TMEM132B: variants seen among roughly 807,000 people sequenced by gnomAD.
TMEM132B encodes transmembrane protein 132B.
Under a neutral mutation model 90.8 loss-of-function variants are expected in TMEM132B, and 18 were observed. The observed-to-expected ratio is 0.20, with a 90% CI of 0.14 to 0.29. The LOEUF is 0.29. Among genes scored for constraint, TMEM132B ranks in the 10% least tolerant of loss-of-function variants. The pLI, the probability that TMEM132B is intolerant of heterozygous loss-of-function variation, is 1.00. For synonymous variants in TMEM132B, 504 were observed against 523.3 expected, an observed-to-expected ratio of 0.96 and a Z score of 0.50; for missense variants, 1,096 against 1,326.8, an observed-to-expected ratio of 0.83 and a Z score of 2.70.
intron 3 of TMEM132B, among the ~76,000 whole-genome samples, chr12:125,495,056 A>T (rs1220733652): frequency 2.5e-4 from 8 of 31,912 alleles, no homozygotes; most frequent in South Asian, 1.4e-3. Context: ...CTCCTCCCTG[A>T]AAATGGCCGC....
At chr12:125,499,456 G>C (rs1057039533) in intron 3 of TMEM132B, among the ~76,000 whole-genome samples, 1 of 152,194 alleles carries the variant, frequency 6.6e-6, no homozygotes, top group Admixed American at 6.5e-5. Flanking sequence ...CCAACAGCGC[G>C]TGATGTGCTT....
intron 3 of TMEM132B, among the ~76,000 whole-genome samples, chr12:125,421,672 T>C (rs1331790416): frequency 6.6e-6 from 1 of 152,210 alleles, no homozygotes; most frequent in African/African-American, 2.4e-5. Context: ...CCTACTGTAG[T>C]CTAGAAAAAT....
rs557675106 is a variant in TMEM132B, at chr12:125,365,184, T to C, written c.959+14841T>C. Among the ~76,000 whole-genome samples the C allele has an allele frequency of 5.9e-5, 9 of 152,074 alleles. No individual in the cohort carries two copies. The East Asian group carries it at 1.7e-3, about 29-fold the overall frequency. On this transcript the variant is annotated intron_variant, in intron 2 of 8. Coordinates refer to ENST00000682704, the MANE Select transcript of TMEM132B (RefSeq NM_001366854.1). Reference sequence around the variant, plus strand: ...CTTTTAAGAATTCTAGTTTAACTTTTATATAGGCTTTTTAGCTGCACTTTC... The same window carrying C: ...CTTTTAAGAATTCTAGTTTAACTTTCATATAGGCTTTTTAGCTGCACTTTC...
intron 3 of TMEM132B, among the ~76,000 whole-genome samples, chr12:125,502,868 T>C (rs1882736904): frequency 6.6e-6 from 1 of 152,218 alleles, no homozygotes; most frequent in Admixed American, 6.5e-5. Context: ...GAAACTCTGG[T>C]AGAATTAGGG....
chr12:125,286,742 C>T (rs2002460), intron 1 of TMEM132B, among the ~76,000 whole-genome samples: 36,613 of 151,612 alleles, frequency 0.24, 4,718 homozygotes, highest in Non-Finnish European at 0.27. Context: ...CTCACTCTGT[C>T]GCCCAGGCTG....
chr12:125,245,260 GC>G (rs549164086), intron 1 of TMEM132B, among the ~76,000 whole-genome samples: 1 of 148,444 alleles, frequency 6.7e-6, no homozygotes, highest in African/African-American at 2.5e-5. Context: ...GTTCCCAGAT[GC>G]CCCCCCAGGC....
At chr12:125,472,784 A>G (rs1881756426) in intron 3 of TMEM132B, among the ~76,000 whole-genome samples, 1 of 152,166 alleles carries the variant, frequency 6.6e-6, no homozygotes, top group African/African-American at 2.4e-5. Context: ...GGAGACACCA[A>G]GTCTACTGGT....
rs563495053 is a variant in TMEM132B, at chr12:125,287,917, G to T, written c.68-61535G>T. The stretch of plus-strand genomic sequence containing the variant: ...GTGTCTCACTCTGTCGCCCAGGCTG[G>T]AGTGCAATGGCGCGATCTCGGCTCA... On this transcript the variant is annotated intron_variant, in intron 1 of 8. Transcript: ENST00000682704. Among the ~76,000 whole-genome samples the T allele has an allele frequency of 2.2e-3, 332 of 152,190 alleles. 2 individuals carry two copies. In the Middle Eastern group the frequency reaches 0.037, roughly 17 times the overall value.
At chr12:125,636,143 A>G (rs1886473326) in intron 5 of TMEM132B, among the ~76,000 whole-genome samples, 1 of 152,096 alleles carries the variant, frequency 6.6e-6, no homozygotes, top group African/African-American at 2.4e-5. Flanking sequence ...GTTCCCATGA[A>G]GGTGCTTTTT....
At chr12:125,212,059 G>A (rs1275945684) in intron 1 of TMEM132B, among the ~76,000 whole-genome samples, 1 of 152,192 alleles carries the variant, frequency 6.6e-6, no homozygotes, top group Non-Finnish European at 1.5e-5. Context: ...GCAGCCTTCT[G>A]CCATAGGTAG....
chr12:125,450,316 A>AT (rs1170074596), intron 3 of TMEM132B, among the ~76,000 whole-genome samples: 6 of 152,222 alleles, frequency 3.9e-5, no homozygotes, highest in Non-Finnish European at 7.3e-5. Flanking sequence ...AATTAGGAAG[A>AT]TAAAAAAAAT....
chr12:125,432,441 A>G (rs1880548528), intron 3 of TMEM132B, among the ~76,000 whole-genome samples: 4 of 88,772 alleles, frequency 4.5e-5, no homozygotes, highest in Admixed American at 1.2e-4. Context: ...ATATATATGT[A>G]TGTGTATATA....
chr12:125,344,926 C>A (rs550779305), intron 1 of TMEM132B, among the ~76,000 whole-genome samples: 6 of 152,280 alleles, frequency 3.9e-5, no homozygotes, highest in Non-Finnish European at 7.3e-5. Flanking sequence ...CATTCCGCCG[C>A]CGCCAGAGAT....
Position 125,246,530 on chromosome 12 carries a change from G to A in TMEM132B, c.67+59664G>A, listed in dbSNP as rs146412017. On this transcript the variant is annotated intron_variant, in intron 1 of 8. Transcript: ENST00000682704. This position sits in a 1 kb window ranked among gnomAD's most constrained non-coding sequence, Gnocchi z 4.2. ...ATTATTTGTGCAGTGGCATTTGGAA[G>A]CCCTTATTAAGTGATTCCCGTTTGC... is the stretch of plus-strand genomic sequence containing the variant. Among the ~76,000 whole-genome samples, 796 of 152,286 alleles carry A rather than the reference G, an allele frequency of 5.2e-3. 8 individuals carry two copies. The highest frequency in any genetic ancestry group is 5.8e-3 in the South Asian group (28 of 4,816).
At chr12:125,572,880 G>C (rs1017917139) in intron 4 of TMEM132B, among the ~76,000 whole-genome samples, 1 of 152,160 alleles carries the variant, frequency 6.6e-6, no homozygotes. Flanking sequence ...TATGGACTCA[G>C]AAGCTTATTT....
chr12:125,516,154 C>T (rs1228242575), intron 3 of TMEM132B, among the ~76,000 whole-genome samples: 1 of 151,914 alleles, frequency 6.6e-6, no homozygotes, highest in Non-Finnish European at 1.5e-5. Context: ...CACACACTAT[C>T]ACATTCTCAC....
At chr12:125,518,758 G>A (rs1331414290) in intron 3 of TMEM132B, among the ~76,000 whole-genome samples, 2 of 151,604 alleles carry the variant, frequency 1.3e-5, no homozygotes, top group African/African-American at 4.9e-5. Context: ...ACACACATAT[G>A]ATCTTGTCAT....
intron 2 of TMEM132B, among the ~76,000 whole-genome samples, chr12:125,354,983 G>T (rs11058147): frequency 0.37 from 55,496 of 151,664 alleles, 10,599 homozygotes; most frequent in South Asian, 0.52. Flanking sequence ...TTACCTGTCT[G>T]AGGTCATGCA....
At chr12:125,471,181 A>G (rs1007463236) in intron 3 of TMEM132B, among the ~76,000 whole-genome samples, 4 of 152,226 alleles carry the variant, frequency 2.6e-5, no homozygotes, top group Non-Finnish European at 4.4e-5. Flanking sequence ...GCCGAGTGGA[A>G]TATCTCTCTG....
Sources: gnomAD v4.1 joint callset for allele counts (sites outside exome capture counted in the v4.1 genomes callset) on GRCh38, gnomAD v4.1.1 for gene constraint, Gnocchi (gnomAD v3.1) non-coding constraint, MANE v1.5 for transcripts, NCBI Gene and HGNC (gene_info 2026-07-23, HGNC 2026-07-21) for gene names.